The following TGM2 variants were observed in gnomAD, a reference collection of about 807,000 sequenced individuals.
TGM2 encodes the protein protein-glutamine gamma-glutamyltransferase 2.
Under a neutral mutation model 75.6 loss-of-function variants are expected in TGM2, and 53 were observed. That is an observed-to-expected ratio of 0.70 (90% CI 0.56 to 0.88). The LOEUF (loss-of-function observed/expected upper bound fraction) is 0.88, where lower values mean the gene tolerates loss of function less well. Among genes scored for constraint, TGM2 ranks in the 40% least tolerant of loss-of-function variants. The probability of loss-of-function intolerance (pLI) is 0.00; values close to 1 mark genes in which losing one functional copy is unlikely to be tolerated. For missense variants in TGM2, 842 were observed against 928.5 expected, an observed-to-expected ratio of 0.91 and a Z score of 1.21; for synonymous variants, 374 against 381.1, an observed-to-expected ratio of 0.98 and a Z score of 0.22.
rs1235246478 is a variant in TGM2 at position 38,138,394 on chromosome 20, G to A, written c.1343-9C>T. On this transcript the variant is annotated splice_polypyrimidine_tract_variant and intron_variant, in intron 9 of 12. Transcript: ENST00000361475. ...CCTCTCCTCTGAGGACCCTGTAGGG[G>A]TTGAGAAGAGAGCCTCAATCACAGC... 2 of 1,613,486 alleles carry A rather than the reference G, an allele frequency of 1.2e-6. No homozygotes were observed. Among genetic ancestry groups the A allele is most frequent in the African/African-American group, 2.7e-5 (2 of 74,894 alleles).
In TGM2 at chr20:38,155,860, G is replaced by A. The variant is rs144593405; in HGVS notation, c.420C>T (p.Asn140=). ...FVLGHFILLF[N]AWCPADAVYL... is the part of the protein sequence containing the mutation. Reference sequence around the variant, plus strand: ...CGTGTGGCTCACCTGGGCACCAGGCGTTGAAGAGCAAAATGAAGTGGCCCA... The same window carrying A: ...CGTGTGGCTCACCTGGGCACCAGGCATTGAAGAGCAAAATGAAGTGGCCCA... Residue 140 remains asparagine (N), a synonymous_variant, in exon 3 of 13, where the codon AAC becomes AAT. Coordinates refer to ENST00000361475, the MANE Select transcript of TGM2 (RefSeq NM_004613.4). 257 of 1,599,558 alleles carry A rather than the reference G, an allele frequency of 1.6e-4. No homozygotes were observed. In the African/African-American group the frequency reaches 2.7e-3, roughly 17 times the overall value.
intron 8 of TGM2, 34 bp downstream of exon 8, chr20:38,141,248 C>T (rs769331226): frequency 2.0e-6 from 3 of 1,515,548 alleles, no homozygotes; most frequent in Admixed American, 2.0e-5. Context: ...TCGTCTTCCC[C>T]ATCTGTTTGA....
intron 2 of TGM2, 66 bp downstream of exon 2, chr20:38,161,354 C>A: frequency 6.3e-7 from 1 of 1,583,128 alleles, no homozygotes; most frequent in Non-Finnish European, 8.6e-7. Flanking sequence ...GGTTCTGGGG[C>A]ATGTCGGGGT....
chr20:38,147,316 G>C (rs6023414), intron 5 of TGM2, among the ~76,000 whole-genome samples: 4,886 of 152,088 alleles, frequency 0.032, 158 homozygotes, highest in African/African-American at 0.085. Context: ...GGCCCTTCTG[G>C]TCTCACCCCT....
At chr20:38,166,940 G>T (rs948454029), upstream of TGM2, among the ~76,000 whole-genome samples, 5 of 152,160 alleles carry the variant, frequency 3.3e-5, no homozygotes, top group Non-Finnish European at 5.9e-5. Context: ...AAGAGGCCGG[G>T]GTTCAAGTTC....
intron 8 of TGM2, among the ~76,000 whole-genome samples, chr20:38,140,289 G>A (rs543474106): frequency 6.6e-6 from 1 of 152,258 alleles, no homozygotes; most frequent in Non-Finnish European, 1.5e-5. Flanking sequence ...GCACATCCAT[G>A]TGATGGACCA....
Position 38,127,394 on chromosome 20 carries a change from A to G in TGM2, c.*2825T>C, listed in dbSNP as rs2074777817. Reference sequence around the variant, plus strand: ...TTCGGCACCCAGAACACGTGATGTCATGTTTTTATTTTGATTTATTTTTTA... The same window carrying G: ...TTCGGCACCCAGAACACGTGATGTCGTGTTTTTATTTTGATTTATTTTTTA... On this transcript the variant is annotated 3_prime_UTR_variant, in exon 13 of 13. Coordinates refer to ENST00000361475, the MANE Select transcript of TGM2 (RefSeq NM_004613.4). 1.0e-6 allele frequency: 1 copy of G among 984,636 alleles called. No individual in the cohort carries two copies. The highest frequency in any genetic ancestry group is 1.2e-6 in the Non-Finnish European group (1 of 829,236). The allele number at this position is 984,636 out of a possible 1,614,324, so 61.0% of individuals were successfully genotyped here.
In TGM2 at chr20:38,130,310, T is replaced by C. The variant is rs751585261; in HGVS notation, c.1973A>G (p.His658Arg). ...CACCACCAGCTTGTGGAGGCCCATGTGGAGCGGCAGCAGGTCCATTCTCAC... is the reference window on the plus strand; with the variant it reads ...CACCACCAGCTTGTGGAGGCCCATGCGGAGCGGCAGCAGGTCCATTCTCAC... ...VKVRMDLLPLHMGLHKLVVNF... is the reference protein window; with the variant it reads ...VKVRMDLLPLRMGLHKLVVNF... Residue 658 changes from histidine (H) to arginine (R), a missense_variant, in exon 13 of 13, where the codon CAC (histidine) becomes CGC (arginine). Transcript: ENST00000361475. The C allele has an allele frequency of 9.3e-6, 15 of 1,611,196 alleles. No individual in the cohort carries two copies. The highest frequency in any genetic ancestry group is 1.2e-5 in the Non-Finnish European group (14 of 1,179,130).
intron 11 of TGM2, among the ~76,000 whole-genome samples, chr20:38,132,027 C>T (rs1320165049): frequency 6.6e-6 from 1 of 152,012 alleles, no homozygotes; most frequent in Non-Finnish European, 1.5e-5. Context: ...CCCCACCCTG[C>T]CCCACCAGTG....
chr20:38,146,684 G>A (rs763670768), intron 6 of TGM2, 33 bp downstream of exon 6: 1 of 1,612,304 alleles, frequency 6.2e-7, no homozygotes, highest in East Asian at 2.2e-5. Flanking sequence ...CCCCTCCCAG[G>A]GCTCATGACC....
At position 38,131,218 on chromosome 20, in the gene TGM2, C is replaced by G; in HGVS notation, c.1788G>C (p.Glu596Asp). 1 of 1,613,838 alleles carries G rather than the reference C, an allele frequency of 6.2e-7. No homozygotes were observed. Among genetic ancestry groups the G allele is most frequent in the Non-Finnish European group, 8.5e-7 (1 of 1,180,028 alleles). The change falls in exon 12 of 13, where the codon GAG (glutamate) becomes GAC (aspartate). Residue 596 changes from glutamate (E) to aspartate (D), a missense_variant. Glu to Asp is a conservative substitution (Grantham distance 45). Coordinates refer to ENST00000361475, the MANE Select transcript of TGM2 (RefSeq NM_004613.4). ...NPEIKIRILG[E>D]PKQKRKLVAE... is the part of the protein sequence containing the mutation. The stretch of plus-strand genomic sequence containing the variant: ...CCACCAGCTTGCGTTTCTGCTTGGG[C>G]TCCCCAAGGATCTGGAAGAGGGCAT...
chr20:38,152,931 G>A (rs2075131084), intron 3 of TGM2, among the ~76,000 whole-genome samples: 1 of 152,206 alleles, frequency 6.6e-6, no homozygotes, highest in Admixed American at 6.5e-5. Context: ...AAACCTTGTG[G>A]TGTGGACGAG....
In TGM2 at chr20:38,138,230, C is replaced by T. The variant is rs756396625; in HGVS notation, c.1498G>A (p.Ala500Thr). 8.8e-5 allele frequency: 142 copies of T among 1,612,768 alleles called. No individual in the cohort carries two copies. Among genetic ancestry groups the T allele is most frequent in the Admixed American group, 2.3e-4 (14 of 59,776 alleles). Residue 500 changes from alanine (A) to threonine (T), a missense_variant, in exon 10 of 13, where the codon GCT becomes ACT. Physicochemically the swap from Ala to Thr is moderately conservative, Grantham distance 58. Transcript: ENST00000361475. ...AGGAGGCGGCAGACGTACTCCTCAG[C>T]GGTGTTGTTGGTGATGTGGGCAAAG... is the stretch of plus-strand genomic sequence containing the variant. ...DVFAHITNNTAEEYVCRLLLC... is the reference protein window; with the variant it reads ...DVFAHITNNTTEEYVCRLLLC...
chr20:38,135,761 G>A (rs971163476), intron 10 of TGM2, among the ~76,000 whole-genome samples: 3 of 152,110 alleles, frequency 2.0e-5, no homozygotes, highest in Non-Finnish European at 4.4e-5. Context: ...AGGTGTTCAG[G>A]AAAGGTCCCG....
At chr20:38,164,079 C>T (rs2075284636) in intron 1 of TGM2, among the ~76,000 whole-genome samples, 1 of 152,234 alleles carries the variant, frequency 6.6e-6, no homozygotes, top group Non-Finnish European at 1.5e-5. Flanking sequence ...TAACTGGCAT[C>T]TCCAGGATCT....
chr20:38,148,224 C>T, intron 4 of TGM2, 135 bp from the exon 5 acceptor site: 1 of 1,165,750 alleles, frequency 8.6e-7, no homozygotes, highest in Non-Finnish European at 1.2e-6. Flanking sequence ...CCGAGTCTAC[C>T]AAATCTCTCT....
intron 4 of TGM2, among the ~76,000 whole-genome samples, chr20:38,149,764 G>A (rs2075095745): frequency 6.7e-6 from 1 of 149,304 alleles, no homozygotes; most frequent in South Asian, 2.1e-4. Context: ...AGAATAAAAA[G>A]CCATGAAAAA....
At chr20:38,150,498 C>A (rs956152566) in intron 4 of TGM2, among the ~76,000 whole-genome samples, 1 of 152,196 alleles carries the variant, frequency 6.6e-6, no homozygotes, top group African/African-American at 2.4e-5. Context: ...AGAGCAAATT[C>A]TCAACCCCTA....
intron 10 of TGM2, among the ~76,000 whole-genome samples, chr20:38,137,598 T>C (rs1327408430): frequency 6.6e-6 from 1 of 152,190 alleles, no homozygotes; most frequent in Non-Finnish European, 1.5e-5. Flanking sequence ...TCCATCACTG[T>C]GGAAAGTGCA....
Sources: gnomAD v4.1 joint callset for allele counts (sites outside exome capture counted in the v4.1 genomes callset) on GRCh38, gnomAD v4.1.1 for gene constraint, MANE v1.5 for transcripts, NCBI Gene and HGNC (gene_info 2026-07-23, HGNC 2026-07-21) for gene names.